MAZ: variants seen among roughly 807,000 people sequenced by gnomAD.
MAZ encodes the protein myc-associated zinc finger protein.
Under a neutral mutation model 32.7 loss-of-function variants are expected in MAZ, and 4 were observed. The observed-to-expected ratio is 0.12, with a 90% CI of 0.06 to 0.28. The LOEUF is 0.28. Ranked by LOEUF, MAZ falls within the 10% of genes least tolerant of loss-of-function variation. The pLI is 1.00. For synonymous variants in MAZ, 510 were observed against 297.6 expected, an observed-to-expected ratio of 1.71 and a Z score of -7.35; for missense variants, 763 against 667.2, an observed-to-expected ratio of 1.14 and a Z score of -1.58.
intron 4 of MAZ, chr16:29,809,629 T>TGCA: frequency 6.2e-7 from 1 of 1,609,494 alleles, no homozygotes; most frequent in Non-Finnish European, 8.5e-7. Context: ...GTGCAAGCTG[T>TGCA]GCAGCGTGCA....
At position 29,808,225 on chromosome 16, in the gene MAZ, C is replaced by G; in HGVS notation, c.1044-5C>G. ...GCCCTAACCCCAACCCCAACGTGTC[C>G]CCAGGCCGGATCACCTCAACAGTCA... On this transcript the variant is annotated splice_polypyrimidine_tract_variant and splice_region_variant and intron_variant, in intron 2 of 4. Coordinates refer to ENST00000322945, the MANE Select transcript of MAZ (RefSeq NM_002383.4). 1.2e-6 allele frequency: 2 copies of G among 1,613,702 alleles called. No individual in the cohort carries two copies. The highest frequency in any genetic ancestry group is 1.7e-6 in the Non-Finnish European group (2 of 1,179,722).
chr16:29,808,090 G>A (rs1206640395), intron 2 of MAZ, 140 bp from the exon 3 acceptor site: 3 of 974,822 alleles, frequency 3.1e-6, no homozygotes, highest in Admixed American at 2.2e-5. Flanking sequence ...CTCCAGGGGA[G>A]GGATTTCCTG....
At chr16:29,809,683 C>T (rs760377676) in intron 4 of MAZ, 10 of 1,539,912 alleles carry the variant, frequency 6.5e-6, no homozygotes, top group Admixed American at 2.0e-5. Context: ...GCAGACCCAT[C>T]TGGGGGGGGC....
intron 4 of MAZ, chr16:29,809,782 G>T: frequency 7.7e-7 from 1 of 1,292,222 alleles, no homozygotes; most frequent in Non-Finnish European, 1.0e-6. Context: ...GTGGGGCATG[G>T]CTGGGGGGCG....
Position 29,810,889 on chromosome 16 carries a change from G to A in MAZ, c.*658G>A, listed in dbSNP as rs1234090514. On this transcript the variant is annotated 3_prime_UTR_variant, in exon 5 of 5. Transcript: ENST00000322945. ...GCAGGAGGAAGAGCCAGGAGGGCCA[G>A]AGGCAGAGAAGAGATGGAGTCTTAG... is the stretch of plus-strand genomic sequence containing the variant. The A allele has an allele frequency of 2.9e-6, 1 of 340,404 alleles. No individual in the cohort carries two copies. The highest frequency in any genetic ancestry group is 4.1e-5 in the Admixed American group (1 of 24,546). 21.1% of individuals were successfully genotyped at this position (340,404 alleles called of 1,614,324 possible). A position where few individuals can be genotyped will look rare whatever the true frequency, so the allele number is the denominator to read the frequency against.
At chr16:29,809,551 G>A in intron 4 of MAZ, 4 of 1,610,156 alleles carry the variant, frequency 2.5e-6, no homozygotes, top group Non-Finnish European at 2.5e-6. Context: ...CTTCACCACG[G>A]CAGCATACCT....
At chr16:29,809,709 G>T in intron 4 of MAZ, 1 of 1,487,632 alleles carries the variant, frequency 6.7e-7, no homozygotes, top group East Asian at 2.4e-5. Flanking sequence ...CCCCTGTCCC[G>T]GGAGACGCCC....
Position 29,808,662 on chromosome 16 carries a change from G to A in MAZ, c.1200G>A (p.Met400Ile), listed in dbSNP as rs1238114845. The A allele has an allele frequency of 1.2e-6, 2 of 1,613,982 alleles. No homozygotes were observed. Among genetic ancestry groups the A allele is most frequent in the Non-Finnish European group, 1.7e-6 (2 of 1,179,992 alleles). Residue 400 changes from methionine to isoleucine, a missense_variant, in exon 4 of 5, where the codon ATG becomes ATA. Physicochemically the swap from Met to Ile is conservative, Grantham distance 10. Coordinates refer to ENST00000322945, the MANE Select transcript of MAZ (RefSeq NM_002383.4). ...EKVPCHVCGK[M>I]LSSAYISDHM... The stretch of plus-strand genomic sequence containing the variant: ...TGCCATGTCACGTGTGTGGCAAGAT[G>A]CTGAGCTCGGCTTATATTTCGGACC...
chr16:29,809,643 C>T (rs749145042), intron 4 of MAZ: 2 of 1,598,166 alleles, frequency 1.3e-6, no homozygotes, highest in Non-Finnish European at 1.7e-6. Flanking sequence ...GCGTGCACTG[C>T]AAGACCCCTG....
intron 4 of MAZ, chr16:29,809,240 C>CA (rs1899759246): frequency 1.9e-6 from 1 of 529,918 alleles, no homozygotes; most frequent in Admixed American, 3.6e-5. Flanking sequence ...TGCTGAGGGT[C>CA]AACCCTGCAA....
At position 29,809,296 on chromosome 16, in the gene MAZ, C is replaced by T. The variant is rs926420166; in HGVS notation, c.1279+555C>T. 3 of 555,318 alleles carry T rather than the reference C, an allele frequency of 5.4e-6. No homozygotes were observed. The South Asian group carries it at 7.1e-5, about 13-fold the overall frequency. The allele number at this position is 555,318 out of a possible 1,614,324, so 34.4% of individuals were successfully genotyped here. On this transcript the variant is annotated intron_variant, in intron 4 of 4. Coordinates refer to ENST00000322945, the MANE Select transcript of MAZ (RefSeq NM_002383.4). Reference sequence around the variant, plus strand: ...CGTCATCCTGGGAGAGGTCTCCCGGCCATGGAGAATGAGTTCTGTAGGTAC... The same window carrying T: ...CGTCATCCTGGGAGAGGTCTCCCGGTCATGGAGAATGAGTTCTGTAGGTAC...
Position 29,807,311 on chromosome 16 carries a change from G to A in MAZ, c.526G>A (p.Val176Ile), listed in dbSNP as rs748138200. Residue 176 changes from valine to isoleucine, a missense_variant, in exon 2 of 5, where the codon GTC becomes ATC. Coordinates refer to ENST00000322945, the MANE Select transcript of MAZ (RefSeq NM_002383.4). ...AACCTCGACGGTCGCCGTGGCCCCG[G>A]TCGCGTCTGCCTTGGAGAAGAAGAC... ...APTSTVAVAP[V>I]ASALEKKTKS... is the part of the protein sequence containing the mutation. 3 of 1,591,988 alleles carry A rather than the reference G, an allele frequency of 1.9e-6. No homozygotes were observed. Among genetic ancestry groups the A allele is most frequent in the Non-Finnish European group, 2.6e-6 (3 of 1,170,960 alleles).
Position 29,810,995 on chromosome 16 carries a change from T to A in MAZ, c.*764T>A, listed in dbSNP as rs560867162. ...ATGCAGCCAGTGTCCCCCTCCCCTC[T>A]TCCACCCCAGCTCCAGCCCTGGTCT... On this transcript the variant is annotated 3_prime_UTR_variant, in exon 5 of 5. Transcript: ENST00000322945. The A allele has an allele frequency of 4.9e-5, 22 of 446,890 alleles. No homozygotes were observed. The East Asian group carries it at 1.5e-3, about 30-fold the overall frequency. 27.7% of individuals were successfully genotyped at this position (446,890 alleles called of 1,614,324 possible). A position where few individuals can be genotyped will look rare whatever the true frequency, so the allele number is the denominator to read the frequency against.
At position 29,807,309 on chromosome 16, in the gene MAZ, C is replaced by G. The variant is rs780466757; in HGVS notation, c.524C>G (p.Pro175Arg). 1.9e-6 allele frequency: 3 copies of G among 1,588,752 alleles called. No homozygotes were observed. Among genetic ancestry groups the G allele is most frequent in the South Asian group, 2.3e-5 (2 of 87,990 alleles). ...CCAACCTCGACGGTCGCCGTGGCCC[C>G]GGTCGCGTCTGCCTTGGAGAAGAAG... ...VAPTSTVAVAPVASALEKKTK... is the reference protein window; with the variant it reads ...VAPTSTVAVARVASALEKKTK... Residue 175 changes from proline (P) to arginine (R), a missense_variant, in exon 2 of 5, where the codon CCG becomes CGG. By Grantham distance (103) the Pro-to-Arg change is moderately radical. Coordinates refer to ENST00000322945, the MANE Select transcript of MAZ (RefSeq NM_002383.4).
Position 29,807,182 on chromosome 16 carries a change from C to A in MAZ, c.397C>A (p.Pro133Thr). The A allele has an allele frequency of 8.8e-7, 1 of 1,130,956 alleles. No individual in the cohort carries two copies. Among genetic ancestry groups the A allele is most frequent in the Non-Finnish European group, 1.1e-6 (1 of 902,752 alleles). The allele number at this position is 1,130,956 out of a possible 1,614,324, so 70.1% of individuals were successfully genotyped here. A position where few individuals can be genotyped will look rare whatever the true frequency, so the allele number is the denominator to read the frequency against. Residue 133 changes from proline (P) to threonine (T), a missense_variant, in exon 2 of 5, where the codon CCC becomes ACC. Coordinates refer to ENST00000322945, the MANE Select transcript of MAZ (RefSeq NM_002383.4). ...AGCGGCCCTGAAGCAGCCTCCGGCG[C>A]CCCCTCCGCCACCCCCGCCAGTGTC... ...DTAALKQPPAPPPPPPPVSAP... is the reference protein window; with the variant it reads ...DTAALKQPPATPPPPPPVSAP...
In MAZ at chr16:29,806,812, C is replaced by A; in HGVS notation, c.111C>A (p.His37Gln). 2 of 1,441,678 alleles carry A rather than the reference C, an allele frequency of 1.4e-6. No homozygotes were observed. Among genetic ancestry groups the A allele is most frequent in the South Asian group, 1.3e-5 (1 of 76,002 alleles). 89.3% of individuals were successfully genotyped at this position (1,441,678 alleles called of 1,614,324 possible). A position where few individuals can be genotyped will look rare whatever the true frequency, so the allele number is the denominator to read the frequency against. ...LMNSFPPPQG[H>Q]AQNPLQVGAE... ...ACTCCTTCCCGCCACCTCAGGGTCACGCCCAGAACCCCCTGCAGGTCGGGG... is the reference window on the plus strand; with the variant it reads ...ACTCCTTCCCGCCACCTCAGGGTCAAGCCCAGAACCCCCTGCAGGTCGGGG... Residue 37 changes from histidine to glutamine, a missense_variant, in exon 1 of 5, where the codon CAC becomes CAA. Transcript: ENST00000322945.
At chr16:29,810,031 T>G (rs776161723) in intron 4 of MAZ, 46 bp from the exon 5 acceptor site, 1 of 1,576,842 alleles carries the variant, frequency 6.3e-7, no homozygotes, top group African/African-American at 1.4e-5. Flanking sequence ...GGCAAGGCTC[T>G]TGCCATTCAG....
chr16:29,809,499 C>T, intron 4 of MAZ: 1 of 1,340,054 alleles, frequency 7.5e-7, no homozygotes, highest in Non-Finnish European at 1.1e-6. Context: ...GGGGTCTCCG[C>T]CTGGCTGACC....
chr16:29,809,484 T>G, intron 4 of MAZ: 54 of 1,069,726 alleles, frequency 5.0e-5, no homozygotes, highest in Non-Finnish European at 6.7e-5. Context: ...ATCAGCCCCG[T>G]CTCTGGGGTC....
Sources: allele counts gnomAD v4.1 joint callset, GRCh38; gene constraint gnomAD v4.1.1; transcripts MANE v1.5; gene names NCBI Gene and HGNC (gene_info 2026-07-23, HGNC 2026-07-21).